ACOT11: variants seen among roughly 807,000 people sequenced by gnomAD.
The protein encoded by ACOT11 is acyl-CoA thioesterase 11.
In ACOT11, 69 loss-of-function variants were observed where a neutral mutation model predicts 77.5. That is an observed-to-expected ratio of 0.89 (90% CI 0.73 to 1.09). The LOEUF is 1.09. ACOT11 is among the 50% of genes least tolerant of loss of function. The probability of loss-of-function intolerance (pLI) is 0.00; values close to 1 mark genes in which losing one functional copy is unlikely to be tolerated. For synonymous variants in ACOT11, 279 were observed against 313.0 expected (o/e 0.89, Z 1.15); for missense variants, 766 against 813.7 (o/e 0.94, Z 0.71).
At chr1:54,570,423 C>A (rs1339962787) in intron 1 of ACOT11, among the ~76,000 whole-genome samples, 24 of 152,250 alleles carry the variant, frequency 1.6e-4, no homozygotes, top group Admixed American at 1.6e-3. Flanking sequence ...CACTGCTCTG[C>A]AAAGGCCATC....
chr1:54,592,514 G>A (rs760423002), intron 3 of ACOT11, 32 bp from the exon 4 acceptor site: 2 of 1,604,156 alleles, frequency 1.2e-6, no homozygotes, highest in Admixed American at 3.4e-5. Context: ...TGGCCCCTCT[G>A]GAAGGCTCAC....
At chr1:54,601,899 C>T (rs967189015) in intron 9 of ACOT11, among the ~76,000 whole-genome samples, 3 of 152,222 alleles carry the variant, frequency 2.0e-5, no homozygotes, top group African/African-American at 4.8e-5. Context: ...GCAAGGGGCA[C>T]GGGAAGACAG....
exon 17 of ACOT11, chr1:54,638,350 G>A (rs1644342528): frequency 1.3e-5 from 2 of 152,128 alleles, no homozygotes; most frequent in African/African-American, 4.8e-5. Flanking sequence ...CAAAACTAAA[G>A]GAGTTTACAA....
chr1:54,580,585 T>C (rs1025589060), intron 1 of ACOT11, among the ~76,000 whole-genome samples: 17 of 152,226 alleles, frequency 1.1e-4, no homozygotes, highest in African/African-American at 4.1e-4. Flanking sequence ...TTATGGCCTC[T>C]CTGTACCTCA....
chr1:54,599,366 G>A lies in ACOT11; in HGVS notation c.835G>A (p.Gly279Ser), dbSNP rs372128738. The A allele has an allele frequency of 1.4e-5, 23 of 1,608,074 alleles. No individual in the cohort carries two copies. The highest frequency in any genetic ancestry group is 3.3e-5 in the South Asian group (3 of 90,474). ...MFHFRGPSQV[G>S]DRLVLKAIVN... ...CCACTTCCGAGGCCCGTCCCAGGTCGGCGACCGTCTGGTGCTCAAAGCCAT... is the reference window on the plus strand; with the variant it reads ...CCACTTCCGAGGCCCGTCCCAGGTCAGCGACCGTCTGGTGCTCAAAGCCAT... Residue 279 changes from glycine to serine, a missense_variant, in exon 8 of 16, where the codon GGC becomes AGC. Gly to Ser is a moderately conservative substitution (Grantham distance 56, BLOSUM62 0). Coordinates refer to ENST00000343744, the MANE Select transcript of ACOT11 (RefSeq NM_147161.4).
chr1:54,622,821 G>A (rs1644243077), intron 15 of ACOT11, among the ~76,000 whole-genome samples: 1 of 132,516 alleles, frequency 7.5e-6, no homozygotes, highest in East Asian at 2.3e-4. Context: ...AGGGTTGGGG[G>A]ATGGAAGAGA....
intron 15 of ACOT11, among the ~76,000 whole-genome samples, chr1:54,628,889 G>A (rs1215685644): frequency 2.3e-5 from 3 of 131,272 alleles, no homozygotes; most frequent in East Asian, 2.4e-4. Context: ...ACGAAATCCC[G>A]TCTCTACTAA....
At chr1:54,620,130 G>C in intron 15 of ACOT11, 1 of 1,054,490 alleles carries the variant, frequency 9.5e-7, no homozygotes, top group Non-Finnish European at 1.4e-6. Flanking sequence ...GCAGAGGGAC[G>C]GTGAGGCTCA....
At chr1:54,575,286 G>A (rs1422821510) in intron 1 of ACOT11, among the ~76,000 whole-genome samples, 1 of 152,200 alleles carries the variant, frequency 6.6e-6, no homozygotes, top group Non-Finnish European at 1.5e-5. Context: ...GAATGGGAAA[G>A]CATTCAGGAA....
exon 17 of ACOT11, chr1:54,637,311 C>G (rs1420542981): frequency 1.3e-5 from 2 of 152,096 alleles, no homozygotes; most frequent in Non-Finnish European, 2.9e-5. Context: ...GGTGAAACCC[C>G]TTCTCTACTA....
chr1:54,563,477 G>C (rs975857203), intron 1 of ACOT11, among the ~76,000 whole-genome samples: 1 of 152,206 alleles, frequency 6.6e-6, no homozygotes, highest in Non-Finnish European at 1.5e-5. Flanking sequence ...ATGGTGTTAT[G>C]GATATAAAGC....
intron 15 of ACOT11, among the ~76,000 whole-genome samples, chr1:54,626,200 G>C (rs1644271667): frequency 6.6e-6 from 1 of 151,984 alleles, no homozygotes; most frequent in African/African-American, 2.4e-5. Flanking sequence ...AACTTGGGAG[G>C]TGGAGGTTGC....
intron 15 of ACOT11, among the ~76,000 whole-genome samples, chr1:54,608,507 C>T (rs1644061613): frequency 6.6e-6 from 1 of 152,132 alleles, no homozygotes. Context: ...TAGGGCCCTG[C>T]AGCCTGGGTC....
intron 1 of ACOT11, among the ~76,000 whole-genome samples, chr1:54,563,774 A>G (rs1653636622): frequency 6.6e-6 from 1 of 151,630 alleles, no homozygotes. Flanking sequence ...CATTTAAAAA[A>G]TTGGGCTTGG....
intron 3 of ACOT11, among the ~76,000 whole-genome samples, chr1:54,587,302 C>T (rs956719850): frequency 2.6e-5 from 4 of 151,986 alleles, no homozygotes; most frequent in African/African-American, 9.7e-5. Context: ...ATCACGAGGT[C>T]AGGAGTTCAA....
rs1159885574 is a variant in ACOT11 at position 54,577,542 on chromosome 1, CAT to C, written c.34-7106_34-7105del. Among the ~76,000 whole-genome samples the C allele has an allele frequency of 3.1e-4, 11 of 35,738 alleles. No individual in the cohort carries two copies. The South Asian group carries it at 5.3e-3, about 17-fold the overall frequency. 23.4% of individuals were successfully genotyped at this position (35,738 alleles called of 152,430 possible). A position where few individuals can be genotyped will look rare whatever the true frequency, so the allele number is the denominator to read the frequency against. On this transcript the variant is annotated intron_variant, in intron 1 of 15. Coordinates refer to ENST00000343744, the MANE Select transcript of ACOT11 (RefSeq NM_147161.4). ...ATATACATATATATCTATATACATA[CAT>C]ATATATTACAATTTATTCATTTATT...
intron 12 of ACOT11, 93 bp from the exon 13 acceptor site, chr1:54,604,983 A>G (rs1056241480): frequency 1.5e-6 from 2 of 1,354,016 alleles, no homozygotes; most frequent in African/African-American, 1.4e-5. Flanking sequence ...ACAGCAAGTC[A>G]GCTGTAGCCC....
chr1:54,611,696 C>G, downstream of ACOT11: 1 of 1,614,140 alleles, frequency 6.2e-7, no homozygotes, highest in African/African-American at 1.3e-5. Context: ...TAGAGCAGAT[C>G]TTCCACCGAC....
At chr1:54,549,406 G>A (rs763141284) in intron 1 of ACOT11, among the ~76,000 whole-genome samples, 29 of 151,984 alleles carry the variant, frequency 1.9e-4, no homozygotes, top group Non-Finnish European at 4.0e-4. Context: ...TGCTCTCCGC[G>A]GCTTCGGTGT....
Sources: allele counts gnomAD v4.1 joint callset (sites outside exome capture counted in the v4.1 genomes callset), GRCh38; gene constraint gnomAD v4.1.1; transcripts MANE v1.5; gene names NCBI Gene and HGNC (gene_info 2026-07-23, HGNC 2026-07-21).